Variants in HS6ST3 observed in about 807,000 individuals in gnomAD.
HS6ST3 encodes the protein heparan sulfate 6-O-sulfotransferase 3, also known as heparan-sulfate 6-O-sulfotransferase 3.
In HS6ST3, 12 loss-of-function variants were observed where a neutral mutation model predicts 36.7. The observed-to-expected ratio is 0.33, with a 90% CI of 0.21 to 0.53. The LOEUF (loss-of-function observed/expected upper bound fraction) is 0.53, where lower values mean the gene tolerates loss of function less well. Ranked by LOEUF, HS6ST3 falls within the 20% of genes least tolerant of loss-of-function variation. HS6ST3 has a pLI of 0.95. For missense variants in HS6ST3, 584 were observed against 640.9 expected (o/e 0.91, Z 0.96); for synonymous variants, 240 against 257.5 (o/e 0.93, Z 0.65).
chr13:96,596,894 G>A (rs2138979422), intron 1 of HS6ST3, among the ~76,000 whole-genome samples: 1 of 152,194 alleles, frequency 6.6e-6, no homozygotes, highest in African/African-American at 2.4e-5. Context: ...TACGTTCATT[G>A]CAGCACTATT....
intron 1 of HS6ST3, among the ~76,000 whole-genome samples, chr13:96,635,694 A>G (rs929948019): frequency 1.3e-5 from 2 of 152,164 alleles, no homozygotes; most frequent in Non-Finnish European, 2.9e-5. Flanking sequence ...TTCTCCATGA[A>G]TGAGTTGCAG....
At chr13:96,113,990 G>A (rs1400475405) in intron 1 of HS6ST3, among the ~76,000 whole-genome samples, 1 of 151,822 alleles carries the variant, frequency 6.6e-6, no homozygotes, top group African/African-American at 2.4e-5. Flanking sequence ...ATATGTTTGA[G>A]GCACTGTTAA....
At chr13:96,646,034 A>G (rs1219656276) in intron 1 of HS6ST3, among the ~76,000 whole-genome samples, 1 of 151,980 alleles carries the variant, frequency 6.6e-6, no homozygotes, top group Non-Finnish European at 1.5e-5. Context: ...TAGAAAGACA[A>G]TTTCCTAACA....
intron 1 of HS6ST3, among the ~76,000 whole-genome samples, chr13:96,250,616 C>T (rs974984780): frequency 6.6e-6 from 1 of 152,166 alleles, no homozygotes; most frequent in African/African-American, 2.4e-5. Context: ...ACACTTCCAG[C>T]TTCCAGAATT....
At position 96,189,048 on chromosome 13, in the gene HS6ST3, G is replaced by C. The variant is rs2054277327; in HGVS notation, c.707+97479G>C. ...GAATTATTTTAATTAAGCAAGAATG[G>C]AAAATACATTTCAGTTCATTTTTCT... On this transcript the variant is annotated intron_variant, in intron 1 of 1. Transcript: ENST00000376705. Among the ~76,000 whole-genome samples the C allele has an allele frequency of 2.0e-5, 3 of 151,936 alleles. No individual in the cohort carries two copies. The South Asian group carries it at 6.2e-4, about 32-fold the overall frequency.
chr13:96,777,919 A>T (rs922480077), intron 1 of HS6ST3, among the ~76,000 whole-genome samples: 1 of 152,206 alleles, frequency 6.6e-6, no homozygotes, highest in Non-Finnish European at 1.5e-5. Flanking sequence ...CCTGACTTCA[A>T]ACTATACTAC....
At chr13:96,659,601 A>G (rs2056639263) in intron 1 of HS6ST3, among the ~76,000 whole-genome samples, 2 of 152,048 alleles carry the variant, frequency 1.3e-5, no homozygotes, top group Admixed American at 6.6e-5. Context: ...TATGTTTTCT[A>G]CTATAATAGT....
At position 96,650,174 on chromosome 13, in the gene HS6ST3, C is replaced by T. The variant is rs563787158; in HGVS notation, c.708-182316C>T. On this transcript the variant is annotated intron_variant, in intron 1 of 1. Coordinates refer to ENST00000376705, the MANE Select transcript of HS6ST3 (RefSeq NM_153456.4). ...GCTCTACTTTTTCCATAGCATTTTA[C>T]ATCTTCAAACATATTATATAATTTA... Among the ~76,000 whole-genome samples the T allele has an allele frequency of 1.2e-3, 185 of 151,976 alleles. 4 individuals carry two copies. The highest frequency in any genetic ancestry group is 1.5e-3 in the Non-Finnish European group (104 of 67,990).
intron 1 of HS6ST3, among the ~76,000 whole-genome samples, chr13:96,489,949 T>G (rs1157713286): frequency 6.6e-6 from 1 of 152,118 alleles, no homozygotes; most frequent in Non-Finnish European, 1.5e-5. Flanking sequence ...CAAAAATAAA[T>G]TTCATTCTAT....
chr13:96,163,513 G>A (rs897365004), intron 1 of HS6ST3, among the ~76,000 whole-genome samples: 1 of 152,124 alleles, frequency 6.6e-6, no homozygotes, highest in Non-Finnish European at 1.5e-5. Context: ...ACAGGCGTGA[G>A]CCACTGCACC....
intron 1 of HS6ST3, among the ~76,000 whole-genome samples, chr13:96,337,235 T>C (rs1463436497): frequency 1.3e-5 from 2 of 152,028 alleles, no homozygotes; most frequent in African/African-American, 4.8e-5. Context: ...CCCGGCTAAT[T>C]TTTTGTATTT....
At chr13:96,563,904 G>A (rs1414894275) in intron 1 of HS6ST3, among the ~76,000 whole-genome samples, 1 of 152,116 alleles carries the variant, frequency 6.6e-6, no homozygotes, top group African/African-American at 2.4e-5. Flanking sequence ...GTTACGGCCA[G>A]CCTGTGTGCA....
intron 1 of HS6ST3, among the ~76,000 whole-genome samples, chr13:96,615,476 CA>C (rs2056470872): frequency 6.6e-6 from 1 of 152,028 alleles, no homozygotes; most frequent in African/African-American, 2.4e-5. Context: ...GTCTTGTGAC[CA>C]GGGTTTTAAT....
At chr13:96,096,691 G>T (rs2053792794) in intron 1 of HS6ST3, among the ~76,000 whole-genome samples, 1 of 152,112 alleles carries the variant, frequency 6.6e-6, no homozygotes, top group South Asian at 2.1e-4. Context: ...AGTATAAAAA[G>T]ATAAGATGAG....
intron 1 of HS6ST3, among the ~76,000 whole-genome samples, chr13:96,557,421 T>C (rs1046562660): frequency 6.6e-6 from 1 of 152,038 alleles, no homozygotes; most frequent in Non-Finnish European, 1.5e-5. Flanking sequence ...GAAAAGAATA[T>C]CTGAAGAAAA....
At chr13:96,515,208 G>T (rs915422001) in intron 1 of HS6ST3, among the ~76,000 whole-genome samples, 1 of 152,144 alleles carries the variant, frequency 6.6e-6, no homozygotes, top group Non-Finnish European at 1.5e-5. Context: ...CCATGAACAC[G>T]CAGCTCTAAT....
chr13:96,363,227 A>G (rs1041480293), intron 1 of HS6ST3, among the ~76,000 whole-genome samples: 1 of 151,928 alleles, frequency 6.6e-6, no homozygotes, highest in Non-Finnish European at 1.5e-5. Context: ...TTAGTATTCC[A>G]TTATATGTAT....
chr13:96,170,151 A>G (rs1403587493), intron 1 of HS6ST3, among the ~76,000 whole-genome samples: 1 of 152,230 alleles, frequency 6.6e-6, no homozygotes, highest in Non-Finnish European at 1.5e-5. Flanking sequence ...CTAGCAGTTA[A>G]TACAATCAAG....
chr13:96,392,884 T>C (rs145351215), intron 1 of HS6ST3, among the ~76,000 whole-genome samples: 2 of 152,278 alleles, frequency 1.3e-5, no homozygotes, highest in Admixed American at 1.3e-4. Context: ...TAGCATATTG[T>C]CATTCTGAAA....
Sources: gnomAD v4.1 joint callset for allele counts (sites outside exome capture counted in the v4.1 genomes callset) on GRCh38, gnomAD v4.1.1 for gene constraint, MANE v1.5 for transcripts, NCBI Gene and HGNC (gene_info 2026-07-23, HGNC 2026-07-21) for gene names.